The following CLIC5 variants were observed in gnomAD, a reference collection of about 807,000 sequenced individuals.
CLIC5 encodes CLIC family member 5, also known as chloride intracellular channel protein 5.
A neutral mutation model predicts 24.7 loss-of-function variants in CLIC5; 20 were observed. The observed-to-expected ratio is 0.81, with a 90% CI of 0.57 to 1.18. CLIC5 has a LOEUF of 1.18. CLIC5 is among the 50% of genes most tolerant of loss of function. The pLI is 0.00. For synonymous variants in CLIC5, 159 were observed against 135.6 expected, an observed-to-expected ratio of 1.17 and a Z score of -1.20; for missense variants, 341 against 326.1, an observed-to-expected ratio of 1.05 and a Z score of -0.35.
chr6:46,096,020 C>CA, the CLIC5 span, among the ~76,000 whole-genome samples: 1 of 152,208 alleles, frequency 6.6e-6, no homozygotes, highest in Non-Finnish European at 1.5e-5. Flanking sequence ...ACAATATATA[C>CA]AGGAAGCATG....
At chr6:46,035,362 G>A (rs1334909441) in intron 1 of CLIC5, among the ~76,000 whole-genome samples, 1 of 152,134 alleles carries the variant, frequency 6.6e-6, no homozygotes, top group Non-Finnish European at 1.5e-5. Context: ...TAAATAACAA[G>A]GTGAGTCATT....
chr6:46,057,606 T>C (rs981100310), intron 1 of CLIC5, among the ~76,000 whole-genome samples: 4 of 152,184 alleles, frequency 2.6e-5, no homozygotes, highest in Non-Finnish European at 5.9e-5. Context: ...ACCTACAAGG[T>C]AAATTTCAGA....
intron 1 of CLIC5, among the ~76,000 whole-genome samples, chr6:46,054,925 T>A (rs928807241): frequency 6.6e-6 from 1 of 152,232 alleles, no homozygotes; most frequent in Non-Finnish European, 1.5e-5. Context: ...AGATGACCAG[T>A]GCAATGTTTT....
intron 3 of CLIC5, 150 bp from the exon 4 acceptor site, chr6:45,941,803 T>G (rs1764141781): frequency 1.5e-6 from 1 of 686,804 alleles, no homozygotes; most frequent in Non-Finnish European, 2.6e-6. Context: ...ATAGGGAGGG[T>G]GGGCATTCTC....
chr6:46,109,413 C>T, the CLIC5 span, among the ~76,000 whole-genome samples: 9 of 147,828 alleles, frequency 6.1e-5, no homozygotes, highest in African/African-American at 2.2e-4. Flanking sequence ...GGTGCGGTGG[C>T]TTACGCCTAT....
chr6:45,999,574 G>A (rs9472653), intron 1 of CLIC5, among the ~76,000 whole-genome samples: 90,314 of 151,656 alleles, frequency 0.6, 27,260 homozygotes, highest in East Asian at 0.77. Context: ...GTATAAGTGG[G>A]TCTTCCACCT....
intron 1 of CLIC5, among the ~76,000 whole-genome samples, chr6:45,978,926 G>A (rs1391049847): frequency 6.7e-6 from 1 of 149,704 alleles, no homozygotes; most frequent in Non-Finnish European, 1.5e-5. Flanking sequence ...CTCCAGCCTG[G>A]GCAACAAGAG....
Position 45,914,321 on chromosome 6 carries a change from A to T in CLIC5, c.495T>A (p.Cys165Ter). 2 of 1,609,644 alleles carry T rather than the reference A, an allele frequency of 1.2e-6. No individual in the cohort carries two copies. The highest frequency in any genetic ancestry group is 2.7e-5 in the African/African-American group (2 of 74,980). Residue 165 changes from cysteine (C) to a stop codon, truncating the protein, a stop_gained, in exon 5 of 6, where the codon TGT (cysteine) becomes TGA (stop). Coordinates refer to ENST00000339561, the MANE Select transcript of CLIC5 (RefSeq NM_016929.5). LOFTEE classifies it high-confidence loss of function. The stretch of plus-strand genomic sequence containing the variant: ...TGCGCCGGGACCCCTTGTCTTCCCC[A>T]CAAGTGTTGGCGTCAATCTCCTCTG... ...PLPEEIDANT[C>*]GEDKGSRRKF...
intron 3 of CLIC5, among the ~76,000 whole-genome samples, chr6:45,942,443 C>T (rs932107602): frequency 6.6e-6 from 1 of 151,934 alleles, no homozygotes; most frequent in African/African-American, 2.4e-5. Context: ...ACTCATTAGC[C>T]CCATCAAAAT....
chr6:46,072,083 G>A (rs997779270), intron 1 of CLIC5, among the ~76,000 whole-genome samples: 4 of 152,000 alleles, frequency 2.6e-5, no homozygotes, highest in Admixed American at 1.3e-4. Flanking sequence ...GGGGCCTATC[G>A]GAGGGTAGAG....
At position 46,079,984 on chromosome 6, in the gene CLIC5, T is replaced by A. The variant is rs542232598; in HGVS notation, c.259A>T (p.Ile87Leu). 10 of 1,551,656 alleles carry A rather than the reference T, an allele frequency of 6.4e-6. No individual in the cohort carries two copies. The African/African-American group carries it at 9.6e-5, about 15-fold the overall frequency. The stretch of plus-strand genomic sequence containing the variant: ...TGAGCCTCCTGGAGTTCAGAGTATA[T>A]CTCATCAGGCAGGAGGTAGCCTCTG... Residue 87 changes from isoleucine (I) to leucine (L), a missense_variant, in exon 1 of 6, where the codon ATA becomes TTA. Coordinates refer to the CLIC5 transcript ENST00000185206.
At chr6:46,002,140 A>G (rs974212914) in intron 1 of CLIC5, among the ~76,000 whole-genome samples, 3 of 152,258 alleles carry the variant, frequency 2.0e-5, no homozygotes, top group African/African-American at 7.2e-5. Context: ...GAATCCTGCG[A>G]GGACTCGATG....
intron 1 of CLIC5, among the ~76,000 whole-genome samples, chr6:46,037,753 G>T (rs899585368): frequency 6.6e-6 from 1 of 152,180 alleles, no homozygotes. Flanking sequence ...GCCCAAGGAT[G>T]AATATTCATT....
chr6:46,001,153 C>G (rs1308491123), intron 1 of CLIC5, among the ~76,000 whole-genome samples: 1 of 152,112 alleles, frequency 6.6e-6, no homozygotes, highest in African/African-American at 2.4e-5. Context: ...TTAGGGTGAC[C>G]TTAACTGGGA....
At chr6:46,019,367 A>T (rs1767108929), upstream of CLIC5, among the ~76,000 whole-genome samples, 1 of 152,208 alleles carries the variant, frequency 6.6e-6, no homozygotes, top group African/African-American at 2.4e-5. Flanking sequence ...GAGGATGGAA[A>T]AGCCCCTGCC....
Position 46,055,733 on chromosome 6 carries a change from G to A in CLIC5, c.540+23970C>T, listed in dbSNP as rs1768230621. Among the ~76,000 whole-genome samples, 4 of 152,166 alleles carry A rather than the reference G, an allele frequency of 2.6e-5. No individual in the cohort carries two copies. In the South Asian group the frequency reaches 8.3e-4, roughly 32 times the overall value. ...TGTCCTTTACTGAGTGCCTCTCTGTGCTAGGCATGTGTGAGATGTGAAGTG... is the reference window on the plus strand; with the variant it reads ...TGTCCTTTACTGAGTGCCTCTCTGTACTAGGCATGTGTGAGATGTGAAGTG... On this transcript the variant is annotated intron_variant, in intron 1 of 5. Transcript: ENST00000185206.
intron 1 of CLIC5, among the ~76,000 whole-genome samples, chr6:46,010,564 T>A (rs978534156): frequency 3.3e-5 from 5 of 152,174 alleles, no homozygotes; most frequent in Non-Finnish European, 5.9e-5. Context: ...ACTGTCTAAA[T>A]TGACAGACGC....
chr6:46,024,814 C>T (rs1007163385), intron 1 of CLIC5, among the ~76,000 whole-genome samples: 11 of 152,138 alleles, frequency 7.2e-5, no homozygotes, highest in Admixed American at 6.5e-5. Context: ...GAGGCATCAA[C>T]ACAGTGATAC....
At chr6:45,891,075 G>A (rs796325567) in intron 6 of CLIC5, among the ~76,000 whole-genome samples, 8 of 152,230 alleles carry the variant, frequency 5.3e-5, no homozygotes, top group African/African-American at 1.9e-4. Context: ...AGGATTTTAA[G>A]CATTTTCACC....
Sources: allele counts gnomAD v4.1 joint callset (sites outside exome capture counted in the v4.1 genomes callset), GRCh38; gene constraint gnomAD v4.1.1; transcripts MANE v1.5; gene names NCBI Gene and HGNC (gene_info 2026-07-23, HGNC 2026-07-21).